CERK: variants seen among roughly 807,000 people sequenced by gnomAD.
CERK encodes ceramide kinase.
A neutral mutation model predicts 63.4 loss-of-function variants in CERK; 39 were observed. The observed-to-expected ratio is 0.61, with a 90% CI of 0.48 to 0.80. CERK has a LOEUF of 0.80. Among genes scored for constraint, CERK ranks in the 30% least tolerant of loss-of-function variants. The pLI is 0.00. For missense variants in CERK, 670 were observed against 714.1 expected (o/e 0.94, Z 0.70); for synonymous variants, 302 against 280.0 (o/e 1.08, Z -0.78).
At chr22:46,698,081 A>G (rs1475451043) in intron 8 of CERK, among the ~76,000 whole-genome samples, 1 of 152,202 alleles carries the variant, frequency 6.6e-6, no homozygotes, top group Non-Finnish European at 1.5e-5. Flanking sequence ...CCTGGGTTCT[A>G]CCAAGCCCTC....
chr22:46,734,577 A>G (rs1446992293), intron 1 of CERK, among the ~76,000 whole-genome samples: 1 of 152,238 alleles, frequency 6.6e-6, no homozygotes, highest in Non-Finnish European at 1.5e-5. Context: ...ATGTTTACAC[A>G]GGTGCACACA....
intron 1 of CERK, among the ~76,000 whole-genome samples, chr22:46,732,661 C>A (rs1007795772): frequency 6.6e-6 from 1 of 151,532 alleles, no homozygotes; most frequent in Non-Finnish European, 1.5e-5. Context: ...TCCCACTTCC[C>A]ATTCACCGGG....
Position 46,693,442 on chromosome 22 carries a change from C to T in CERK, c.1111G>A (p.Gly371Ser). The change falls in exon 10 of 13, where the codon GGT (glycine) becomes AGT (serine). Residue 371 changes from glycine (G) to serine (S), a missense_variant. By Grantham distance (56) the Gly-to-Ser change is moderately conservative. Coordinates refer to ENST00000216264, the MANE Select transcript of CERK (RefSeq NM_022766.6). ...TAGGAATTACCCGCAGCTTCCAAAC[C>T]ATACAGTGCTTTCTTCTGCTCCTCC... ...LEEEQKKALY[G>S]LEAAEDVEEW... The T allele has an allele frequency of 6.2e-7, 1 of 1,614,122 alleles. No homozygotes were observed. Among genetic ancestry groups the T allele is most frequent in the Non-Finnish European group, 8.5e-7 (1 of 1,179,978 alleles).
intron 9 of CERK, among the ~76,000 whole-genome samples, chr22:46,694,405 C>T (rs1287322531): frequency 6.6e-6 from 1 of 152,092 alleles, no homozygotes; most frequent in African/African-American, 2.4e-5. Context: ...GAAAGGAGTC[C>T]CTGCTTGTTC....
intron 11 of CERK, 55 bp from the exon 12 acceptor site, chr22:46,690,255 G>A: frequency 6.7e-7 from 1 of 1,500,894 alleles, no homozygotes; most frequent in South Asian, 1.1e-5. Flanking sequence ...CGTCTGGGTG[G>A]GGCAGCAGAA....
At chr22:46,694,320 A>C (rs560706733) in intron 9 of CERK, among the ~76,000 whole-genome samples, 35 of 152,094 alleles carry the variant, frequency 2.3e-4, no homozygotes, top group African/African-American at 8.0e-4. Context: ...GTTTAGATTT[A>C]TTTAAGGTTC....
chr22:46,692,316 C>G (rs573165241), intron 10 of CERK, among the ~76,000 whole-genome samples: 47 of 150,712 alleles, frequency 3.1e-4, no homozygotes, highest in African/African-American at 1.1e-3. Context: ...ATCCCAGCTG[C>G]TGGGGAAGCT....
intron 3 of CERK, 52 bp from the exon 4 acceptor site, chr22:46,712,345 A>G (rs1470673492): frequency 1.9e-6 from 3 of 1,577,806 alleles, no homozygotes; most frequent in Non-Finnish European, 2.6e-6. Context: ...ATCAAAACGA[A>G]GAGCTCTGTT....
intron 12 of CERK, among the ~76,000 whole-genome samples, chr22:46,688,274 C>T (rs575590086): frequency 5.9e-5 from 9 of 152,318 alleles, no homozygotes; most frequent in East Asian, 5.8e-4. Flanking sequence ...TTTTTAAAAG[C>T]GACGTGCTGC....
In CERK at chr22:46,687,096, T is replaced by G. The variant is rs1485503776; in HGVS notation, c.*38A>C. ...TCTGTAATAATTATCTTAAATAGTTTTCACACTTTCCCAGTTTGTGAGCAG... is the reference window on the plus strand; with the variant it reads ...TCTGTAATAATTATCTTAAATAGTTGTCACACTTTCCCAGTTTGTGAGCAG... On this transcript the variant is annotated 3_prime_UTR_variant, in exon 13 of 13. Transcript: ENST00000216264. 1 of 1,562,696 alleles carries G rather than the reference T, an allele frequency of 6.4e-7. No individual in the cohort carries two copies. Among genetic ancestry groups the G allele is most frequent in the Non-Finnish European group, 8.8e-7 (1 of 1,133,430 alleles).
intron 9 of CERK, among the ~76,000 whole-genome samples, chr22:46,694,950 C>T (rs2146546426): frequency 6.6e-6 from 1 of 152,344 alleles, no homozygotes; most frequent in Non-Finnish European, 1.5e-5. Context: ...CCCACTCCAA[C>T]AGTGGGTGTG....
intron 2 of CERK, among the ~76,000 whole-genome samples, chr22:46,720,429 C>CT (rs1276331209): frequency 6.6e-6 from 1 of 152,192 alleles, no homozygotes. Flanking sequence ...GCTGTGATGA[C>CT]TCACGCCTGT....
At chr22:46,720,846 G>C in intron 2 of CERK, 56 bp downstream of exon 2, 1 of 1,075,188 alleles carries the variant, frequency 9.3e-7, no homozygotes. Context: ...GTTCCCTCTC[G>C]TGTAATCTAC....
At position 46,707,585 on chromosome 22, in the gene CERK, AC is replaced by A. The variant is rs777391143; in HGVS notation, c.715+257del. 6.0e-4 allele frequency among the ~76,000 whole-genome samples: 91 copies of A among 152,036 alleles called. 1 individual carries two copies. The highest frequency in any genetic ancestry group is 1.8e-3 in the Admixed American group (28 of 15,282). On this transcript the variant is annotated intron_variant, in intron 6 of 12. Coordinates refer to ENST00000216264, the MANE Select transcript of CERK (RefSeq NM_022766.6). ...CGGGGGTTCCCCACTCCAGGACTGC[AC>A]CCCCAGCGGTGGGGTTCTCCTGCCT...
intron 2 of CERK, 93 bp from the exon 3 acceptor site, chr22:46,720,301 G>A (rs1288004243): frequency 6.8e-7 from 1 of 1,466,102 alleles, no homozygotes; most frequent in Non-Finnish European, 9.1e-7. Flanking sequence ...CTAATTATAG[G>A]TTCCTAACCA....
In CERK at chr22:46,720,190, G is replaced by C. The variant is rs753181603; in HGVS notation, c.275C>G (p.Ala92Gly). The C allele has an allele frequency of 1.2e-6, 2 of 1,613,600 alleles. No homozygotes were observed. The highest frequency in any genetic ancestry group is 2.7e-5 in the African/African-American group (2 of 74,926). Residue 92 changes from alanine (A) to glycine (G), a missense_variant, in exon 3 of 13, where the codon GCA (alanine) becomes GGA (glycine). Ala to Gly is a moderately conservative substitution (Grantham distance 60, BLOSUM62 0). Transcript: ENST00000216264. ...YAFTVHCVKR[A>G]RRHRWKWAQV... ...CGCCCACTTCCAGCGGTGCCGTCGT[G>C]CTCTCTTTACACAGTGAACTGCACA...
At position 46,738,201 on chromosome 22, in the gene CERK, G is replaced by A. The variant is rs2082985947; in HGVS notation, c.-53C>T. 1.9e-6 allele frequency: 2 copies of A among 1,076,316 alleles called. No individual in the cohort carries two copies. The highest frequency in any genetic ancestry group is 1.3e-4 in the East Asian group (2 of 15,840). The allele number at this position is 1,076,316 out of a possible 1,614,324, so 66.7% of individuals were successfully genotyped here. A position where few individuals can be genotyped will look rare whatever the true frequency, so the allele number is the denominator to read the frequency against. On this transcript the variant is annotated 5_prime_UTR_variant, in exon 1 of 13. Transcript: ENST00000216264. The stretch of plus-strand genomic sequence containing the variant: ...TGGGGGCGCGCGGACGCCGAGGGGC[G>A]CCGGACCGTTAGCGGCCCCTGCAGT...
intron 11 of CERK, among the ~76,000 whole-genome samples, chr22:46,691,343 G>A (rs2082730481): frequency 1.3e-5 from 2 of 152,092 alleles, no homozygotes; most frequent in Non-Finnish European, 2.9e-5. Flanking sequence ...AAAGTGCTGG[G>A]ATTACAGGCA....
intron 9 of CERK, 41 bp from the exon 10 acceptor site, chr22:46,693,544 G>A: frequency 6.5e-7 from 1 of 1,528,436 alleles, no homozygotes; most frequent in Non-Finnish European, 9.1e-7. Context: ...ATATGGAGCT[G>A]CAGGTGCAGT....
Sources: gnomAD v4.1 joint callset for allele counts (sites outside exome capture counted in the v4.1 genomes callset) on GRCh38, gnomAD v4.1.1 for gene constraint, MANE v1.5 for transcripts, NCBI Gene and HGNC (gene_info 2026-07-23, HGNC 2026-07-21) for gene names.